CERS4: variants seen among roughly 807,000 people sequenced by gnomAD.
CERS4 encodes ceramide synthase 4, also known as LAG1 homolog, ceramide synthase 4.
CERS4 carries 65 observed loss-of-function variants against 51.8 expected under a neutral mutation model. The ratio of observed to expected loss-of-function variants is 1.26; its 90% confidence interval spans 1.03 to 1.54. The LOEUF is 1.54. Among genes scored for constraint, CERS4 ranks in the 40% most tolerant of loss-of-function variants. The pLI is 0.00. For synonymous variants in CERS4, 228 were observed against 208.4 expected (o/e 1.09, Z -0.81); for missense variants, 563 against 500.4 (o/e 1.13, Z -1.19).
At chr19:8,250,995 G>A in intron 2 of CERS4, 81 bp from the exon 3 acceptor site, 1 of 1,495,176 alleles carries the variant, frequency 6.7e-7, no homozygotes, top group Non-Finnish European at 8.9e-7. Context: ...TAGGAGTTCT[G>A]AGGCTCCAGC....
intron 2 of CERS4, among the ~76,000 whole-genome samples, chr19:8,219,806 C>T (rs760999305): frequency 1.5e-4 from 22 of 149,440 alleles, no homozygotes; most frequent in Admixed American, 1.3e-4. Context: ...GCAACAAGAG[C>T]GAAACTCTGT....
chr19:8,256,873 C>G (rs1204710220), intron 8 of CERS4, 76 bp from the exon 9 acceptor site: 1 of 1,608,550 alleles, frequency 6.2e-7, no homozygotes, highest in Non-Finnish European at 8.5e-7. Flanking sequence ...CTGAAAGGAC[C>G]CACTTCTTGG....
chr19:8,257,157 T>C lies in CERS4; in HGVS notation c.741+80T>C. The C allele has an allele frequency of 2.8e-6, 4 of 1,418,022 alleles. No individual in the cohort carries two copies. The African/African-American group carries it at 4.3e-5, about 15-fold the overall frequency. 87.8% of individuals were successfully genotyped at this position (1,418,022 alleles called of 1,614,324 possible). A position where few individuals can be genotyped will look rare whatever the true frequency, so the allele number is the denominator to read the frequency against. ...TGCCCCAGAGATGAGGTCCCATTCC[T>C]CCCAACCTTCCTGGGAGATGGAGCC... On this transcript the variant is annotated intron_variant, in intron 9 of 11. Transcript: ENST00000251363.
intron 2 of CERS4, among the ~76,000 whole-genome samples, chr19:8,237,775 C>G (rs368009821): frequency 3.3e-5 from 5 of 151,932 alleles, no homozygotes; most frequent in Non-Finnish European, 5.9e-5. Flanking sequence ...GGCGTGAACC[C>G]GGGAGGTGGA....
intron 2 of CERS4, among the ~76,000 whole-genome samples, chr19:8,229,265 C>T (rs1028894890): frequency 2.6e-5 from 4 of 152,138 alleles, no homozygotes; most frequent in Admixed American, 2.6e-4. Flanking sequence ...GTGGAGGCTG[C>T]AGTGAGCTAT....
chr19:8,231,408 A>G (rs1402049709), intron 2 of CERS4, among the ~76,000 whole-genome samples: 1 of 152,170 alleles, frequency 6.6e-6, no homozygotes, highest in African/African-American at 2.4e-5. Context: ...TGTGGTGGGT[A>G]GCAGATGAAA....
At position 8,257,888 on chromosome 19, in the gene CERS4, A is replaced by G; in HGVS notation, c.751A>G (p.Met251Val). The change falls in exon 10 of 12, where the codon ATG becomes GTG. Residue 251 changes from methionine (M) to valine (V), a missense_variant. Transcript: ENST00000251363. ...CTGCTGCCCTTTCCAGGCCTGTAAG[A>G]TGGTCAACTACATGCAGTATCAGCA... The part of the protein sequence containing the change: ...SSDYLLEACK[M>V]VNYMQYQQVC... 6.2e-7 allele frequency: 1 copy of G among 1,613,642 alleles called. No homozygotes were observed. The highest frequency in any genetic ancestry group is 8.5e-7 in the Non-Finnish European group (1 of 1,179,812).
chr19:8,251,243 T>C lies in CERS4; in HGVS notation c.167T>C (p.Phe56Ser). 6.2e-7 allele frequency: 1 copy of C among 1,601,452 alleles called. No homozygotes were observed. The part of the protein sequence containing the change: ...ALVLLAMRLA[F>S]ERFIGLPLSR... ...GTCCTCCTGGCCATGCGCCTTGCCT[T>C]TGAGAGGTGAGTGTCTGCCCTGCCG... The change falls in exon 3 of 12, where the codon TTT (phenylalanine) becomes TCT (serine). Residue 56 changes from phenylalanine (F) to serine (S), a missense_variant. By Grantham distance (155) the Phe-to-Ser change is radical. Coordinates refer to ENST00000251363, the MANE Select transcript of CERS4 (RefSeq NM_024552.3).
Position 8,257,941 on chromosome 19 carries a change from C to T in CERS4, c.804C>T (p.Phe268=), listed in dbSNP as rs750440600. 6.2e-7 allele frequency: 1 copy of T among 1,613,968 alleles called. No homozygotes were observed. Among genetic ancestry groups the T allele is most frequent in the Non-Finnish European group, 8.5e-7 (1 of 1,179,946 alleles). The change falls in exon 10 of 12, where the codon TTC becomes TTT. Residue 268 remains phenylalanine, a synonymous_variant. Transcript: ENST00000251363. ...TGTGCGACGCTCTCTTCCTCATCTT[C>T]TCCTTTGTCTTCTTCTACACCCGAC... is the stretch of plus-strand genomic sequence containing the variant. ...QQVCDALFLI[F]SFVFFYTRLV...
intron 2 of CERS4, among the ~76,000 whole-genome samples, chr19:8,213,318 T>G (rs2145153609): frequency 6.6e-6 from 1 of 152,060 alleles, no homozygotes; most frequent in South Asian, 2.1e-4. Context: ...CTCGGCCTCT[T>G]TCTTTCTTTC....
At chr19:8,235,364 G>A (rs1968204451) in intron 2 of CERS4, among the ~76,000 whole-genome samples, 1 of 151,398 alleles carries the variant, frequency 6.6e-6, no homozygotes. Flanking sequence ...CTGACCTCAG[G>A]TGATCCACCT....
At chr19:8,218,032 T>G (rs1485721670) in intron 2 of CERS4, among the ~76,000 whole-genome samples, 2 of 152,088 alleles carry the variant, frequency 1.3e-5, no homozygotes, top group Non-Finnish European at 2.9e-5. Context: ...TGGTGCAATC[T>G]TGGCTCACTG....
chr19:8,252,494 A>G (rs1969140669), intron 3 of CERS4, among the ~76,000 whole-genome samples: 1 of 150,440 alleles, frequency 6.6e-6, no homozygotes, highest in African/African-American at 2.4e-5. Context: ...GCTGGAGTAC[A>G]GTGGCACAAT....
intron 2 of CERS4, chr19:8,214,346 C>T (rs529178838): frequency 1.1e-4 from 17 of 152,506 alleles, no homozygotes; most frequent in African/African-American, 3.6e-4. Flanking sequence ...GGAAGCCTTA[C>T]GGAGCTGATG....
intron 8 of CERS4, 79 bp from the exon 9 acceptor site, chr19:8,256,870 G>A (rs1468204633): frequency 1.2e-6 from 2 of 1,607,654 alleles, no homozygotes; most frequent in Non-Finnish European, 1.7e-6. Flanking sequence ...CCCCTGAAAG[G>A]ACCCACTTCT....
chr19:8,245,220 TTTTA>T (rs1968728072), intron 2 of CERS4, among the ~76,000 whole-genome samples: 1 of 151,410 alleles, frequency 6.6e-6, no homozygotes, highest in Admixed American at 6.6e-5. Flanking sequence ...TGGGTCTATT[TTTTA>T]TTTTATTTAT....
rs1462634336 is a variant in CERS4 at position 8,228,559 on chromosome 19, CAG to C, written c.-2+17698_-2+17699del. Among the ~76,000 whole-genome samples, 3 of 152,136 alleles carry C rather than the reference CAG, an allele frequency of 2.0e-5. No individual in the cohort carries two copies. In the East Asian group the frequency reaches 5.8e-4, roughly 29 times the overall value. ...GGTGTGGTGTAGGTGCCTGTAATCC[CAG>C]CTACGCAGCAGGCTGAGGCAGGAGA... On this transcript the variant is annotated intron_variant, in intron 2 of 11. Coordinates refer to ENST00000251363, the MANE Select transcript of CERS4 (RefSeq NM_024552.3).
At chr19:8,216,882 C>T (rs142150496) in intron 2 of CERS4, among the ~76,000 whole-genome samples, 1 of 152,194 alleles carries the variant, frequency 6.6e-6, no homozygotes, top group African/African-American at 2.4e-5. Context: ...TGGAGACAGG[C>T]AGGCTTGGGT....
chr19:8,221,546 T>C (rs1436959177), intron 2 of CERS4, among the ~76,000 whole-genome samples: 1 of 150,578 alleles, frequency 6.6e-6, no homozygotes, highest in African/African-American at 2.4e-5. Flanking sequence ...ACTTTTTTTT[T>C]TCTTATTTTT....
Sources: allele counts gnomAD v4.1 joint callset (sites outside exome capture counted in the v4.1 genomes callset), GRCh38; gene constraint gnomAD v4.1.1; transcripts MANE v1.5; gene names NCBI Gene and HGNC (gene_info 2026-07-23, HGNC 2026-07-21).